PITPNM2: variants seen among roughly 807,000 people sequenced by gnomAD.
PITPNM2 encodes the protein membrane-associated phosphatidylinositol transfer protein 2.
PITPNM2 carries 35 observed loss-of-function variants against 132.2 expected under a neutral mutation model. That is an observed-to-expected ratio of 0.26 (90% CI 0.20 to 0.35). The LOEUF is 0.35. PITPNM2 is among the 10% of genes least tolerant of loss of function. The probability of loss-of-function intolerance (pLI) is 1.00; values close to 1 mark genes in which losing one functional copy is unlikely to be tolerated. For missense variants in PITPNM2, 1,332 were observed against 1,912.0 expected (o/e 0.70, Z 5.66); for synonymous variants, 738 against 799.2 (o/e 0.92, Z 1.29).
In PITPNM2 at chr12:123,004,259, G is replaced by T; in HGVS notation, c.1048+135C>A. 1.3e-6 allele frequency: 1 copy of T among 768,842 alleles called. No homozygotes were observed. The highest frequency in any genetic ancestry group is 2.2e-6 in the Non-Finnish European group (1 of 461,446). 47.6% of individuals were successfully genotyped at this position (768,842 alleles called of 1,614,324 possible). On this transcript the variant is annotated intron_variant, in intron 8 of 25. Transcript: ENST00000320201. The surrounding 1 kb of genome is among the most constrained non-coding windows in gnomAD (Gnocchi z 4.9). ...CACCAGGCTGTCCACCTGGGACAGT[G>T]CAGGTATAGGGACTGGATATAGAAT...
In PITPNM2 at chr12:122,987,876, T is replaced by C. The variant is rs2038003807; in HGVS notation, c.3023A>G (p.Asn1008Ser). 2.5e-6 allele frequency: 4 copies of C among 1,613,338 alleles called. No individual in the cohort carries two copies. The highest frequency in any genetic ancestry group is 2.2e-5 in the South Asian group (2 of 90,976). The part of the protein sequence containing the change: ...LRNVTANHRI[N>S]DALANEDGPQ... The stretch of plus-strand genomic sequence containing the variant: ...GCCGTCCTCATTGGCAAGGGCATCA[T>C]TGATCCGGTGGTTGGCCGTCACGTT... Residue 1008 changes from asparagine (N) to serine (S), a missense_variant, in exon 21 of 26, where the codon AAT becomes AGT. Physicochemically the swap from Asn to Ser is conservative, Grantham distance 46. Coordinates refer to ENST00000320201, the MANE Select transcript of PITPNM2 (RefSeq NM_020845.3).
intron 3 of PITPNM2, chr12:123,034,158 GCCC>G (rs1203251752): frequency 4.6e-6 from 1 of 215,170 alleles, no homozygotes; most frequent in East Asian, 1.0e-4. Flanking sequence ...GTTCCTCTAC[GCCC>G]CCAGTTTGTG....
chr12:122,986,176 G>A lies in PITPNM2; in HGVS notation c.3901C>T (p.Pro1301Ser). 2 of 1,543,568 alleles carry A rather than the reference G, an allele frequency of 1.3e-6. No individual in the cohort carries two copies. The highest frequency in any genetic ancestry group is 1.2e-5 in the South Asian group (1 of 84,098). Residue 1301 changes from proline (P) to serine (S), a missense_variant, in exon 26 of 26, where the codon CCC becomes TCC. Physicochemically the swap from Pro to Ser is moderately conservative, Grantham distance 74. This residue lies in a region of PITPNM2 where 163 missense variants were observed against 177.2 expected (regional missense o/e 0.92). Coordinates refer to ENST00000320201, the MANE Select transcript of PITPNM2 (RefSeq NM_020845.3). ...TCGTGCCGGTGGCTGGGCCCGCTGG[G>A]CTGGGCCGAGATGGTGCGAAGCAGG... The part of the protein sequence containing the change: ...NHLLRTISAQ[P>S]SGPSHRHERT...
chr12:123,132,605 C>A (rs2043291939), intron 1 of PITPNM2, among the ~76,000 whole-genome samples: 1 of 151,828 alleles, frequency 6.6e-6, no homozygotes, highest in Admixed American at 6.6e-5. Context: ...ACAACCACCA[C>A]CACTATCCAC....
chr12:123,094,594 G>A (rs2042356291), intron 2 of PITPNM2, among the ~76,000 whole-genome samples: 1 of 152,202 alleles, frequency 6.6e-6, no homozygotes, highest in Admixed American at 6.5e-5. Flanking sequence ...CAGGAACTTG[G>A]GAAGCTGGTA....
intron 2 of PITPNM2, among the ~76,000 whole-genome samples, chr12:123,042,395 C>A (rs372770271): frequency 6.6e-6 from 1 of 152,110 alleles, no homozygotes; most frequent in African/African-American, 2.4e-5. Flanking sequence ...AGGGGAAGCA[C>A]GAGAATTGTG....
chr12:123,094,884 T>C (rs1247125735), intron 2 of PITPNM2, among the ~76,000 whole-genome samples: 1 of 152,202 alleles, frequency 6.6e-6, no homozygotes, highest in Non-Finnish European at 1.5e-5. Flanking sequence ...AGGGCAAGAC[T>C]GCAGCCACAC....
At chr12:123,090,056 T>A (rs1301846925) in intron 2 of PITPNM2, 1 of 152,204 alleles carries the variant, frequency 6.6e-6, no homozygotes, top group Admixed American at 6.5e-5. Context: ...AAGAAAAATT[T>A]ATTATTTCAT....
At chr12:122,987,974 T>C in intron 20 of PITPNM2, 73 bp from the exon 21 acceptor site, 1 of 1,357,446 alleles carries the variant, frequency 7.4e-7, no homozygotes, top group Non-Finnish European at 1.0e-6. Flanking sequence ...GCTCAAGCTC[T>C]GTGGGCCTGA....
In PITPNM2 at chr12:122,987,920, G is replaced by C. The variant is rs2038005638; in HGVS notation, c.2998-19C>G. On this transcript the variant is annotated intron_variant, in intron 20 of 25. Transcript: ENST00000320201. The stretch of plus-strand genomic sequence containing the variant: ...TCACGTTCTGTGGAGGGAGTGGCAA[G>C]CCCAGGTCAGGGGGTCGGAGGGCAC... The C allele has an allele frequency of 6.3e-7, 1 of 1,599,600 alleles. No individual in the cohort carries two copies. The highest frequency in any genetic ancestry group is 2.2e-5 in the East Asian group (1 of 44,766).
chr12:123,044,509 A>G (rs11608811), intron 2 of PITPNM2, among the ~76,000 whole-genome samples: 82,762 of 152,160 alleles, frequency 0.54, 27,049 homozygotes, highest in Non-Finnish European at 0.71. Flanking sequence ...GCTTTCCGGA[A>G]CCATCCAAGA....
rs768293296 is a variant in PITPNM2 at position 122,987,526 on chromosome 12, A to G, written c.3248T>C (p.Ile1083Thr). 8 of 1,613,342 alleles carry G rather than the reference A, an allele frequency of 5.0e-6. No individual in the cohort carries two copies. The highest frequency in any genetic ancestry group is 6.8e-6 in the Non-Finnish European group (8 of 1,179,588). ...SHRLGVGVYP[I>T]KMVVRGDHTF... ...AGGCATATACCTGACCACCATCTTG[A>G]TAGGGTAGACACCCACGCCCAGGCG... Residue 1083 changes from isoleucine to threonine, a missense_variant, in exon 22 of 26, where the codon ATC becomes ACC. Physicochemically the swap from Ile to Thr is moderately conservative, Grantham distance 89 (BLOSUM62 -1). Around this residue, in one of 6 missense-constraint regions of PITPNM2, gnomAD observed 251 missense variants for 472.0 expected, o/e 0.53. Transcript: ENST00000320201.
At chr12:123,129,570 G>GA (rs112969907) in intron 1 of PITPNM2, among the ~76,000 whole-genome samples, 68 of 143,998 alleles carry the variant, frequency 4.7e-4, no homozygotes, top group African/African-American at 6.3e-4. Flanking sequence ...TCCGTCTCAA[G>GA]AAAAAAAAAA....
intron 2 of PITPNM2, among the ~76,000 whole-genome samples, chr12:123,045,955 C>T (rs979020372): frequency 2.0e-5 from 3 of 152,036 alleles, no homozygotes; most frequent in African/African-American, 7.3e-5. Flanking sequence ...CCCTGGGTGT[C>T]CCAGCGAGGG....
In PITPNM2 at chr12:123,150,697, C is replaced by T. The variant is rs1251291054; in HGVS notation, c.-200+56G>A. 2.0e-5 allele frequency among the ~76,000 whole-genome samples: 3 copies of T among 150,906 alleles called. No individual in the cohort carries two copies. Among genetic ancestry groups the T allele is most frequent in the East Asian group, 4.0e-4 (2 of 5,050 alleles). On this transcript the variant is annotated intron_variant, in intron 1 of 25. Coordinates refer to ENST00000320201, the MANE Select transcript of PITPNM2 (RefSeq NM_020845.3). This position sits in a 1 kb window ranked among gnomAD's most constrained non-coding sequence, Gnocchi z 6.0. ...CAGATCCCCAGGTCCCCGGCCAGCG[C>T]CCGGCACTGCGGGACTCACCGCGGG...
intron 11 of PITPNM2, 93 bp from the exon 12 acceptor site, chr12:122,997,003 G>T: frequency 8.0e-7 from 1 of 1,248,494 alleles, no homozygotes; most frequent in Non-Finnish European, 1.1e-6. Context: ...CATGGACTCA[G>T]CATACGCTAG....
intron 2 of PITPNM2, among the ~76,000 whole-genome samples, chr12:123,073,722 G>T (rs1484421504): frequency 6.6e-6 from 1 of 152,192 alleles, no homozygotes; most frequent in African/African-American, 2.4e-5. Flanking sequence ...AGTGGATCAG[G>T]ATCAGAGTGA....
intron 2 of PITPNM2, among the ~76,000 whole-genome samples, chr12:123,039,704 T>G (rs1210294219): frequency 6.6e-6 from 1 of 152,162 alleles, no homozygotes; most frequent in Admixed American, 6.5e-5. Context: ...TCTACGGACT[T>G]AGGGCGATGC....
In PITPNM2 at chr12:123,005,787, A is replaced by T. The variant is rs2038901480; in HGVS notation, c.644-239T>A. ...TAATTAGAGTGGAGGGGCCTCCCAA[A>T]GCAATGTGTCCGGTCAGAAGCCACA... On this transcript the variant is annotated intron_variant, in intron 6 of 25. Coordinates refer to ENST00000320201, the MANE Select transcript of PITPNM2 (RefSeq NM_020845.3). This position sits in a 1 kb window ranked among gnomAD's most constrained non-coding sequence, Gnocchi z 6.2. 1 of 553,526 alleles carries T rather than the reference A, an allele frequency of 1.8e-6. No individual in the cohort carries two copies. Among genetic ancestry groups the T allele is most frequent in the Admixed American group, 3.3e-5 (1 of 30,654 alleles). The allele number at this position is 553,526 out of a possible 1,614,324, so 34.3% of individuals were successfully genotyped here. A position where few individuals can be genotyped will look rare whatever the true frequency, so the allele number is the denominator to read the frequency against.
Sources: gnomAD v4.1 joint callset for allele counts (sites outside exome capture counted in the v4.1 genomes callset) on GRCh38, gnomAD v4.1.1 for gene constraint, gnomAD v4.1.1 regional missense constraint, Gnocchi (gnomAD v3.1) non-coding constraint, MANE v1.5 for transcripts, NCBI Gene and HGNC (gene_info 2026-07-23, HGNC 2026-07-21) for gene names.